Variants in CEP290 observed in about 807,000 individuals in gnomAD.
CEP290 encodes centrosomal protein 290, also known as centrosomal protein of 290 kDa.
A neutral mutation model predicts 344.9 loss-of-function variants in CEP290; 317 were observed. The ratio of observed to expected loss-of-function variants is 0.92; its 90% CI spans 0.84 to 1.01. The LOEUF is 1.01. CEP290 is among the 50% of genes least tolerant of loss of function. The probability of loss-of-function intolerance (pLI) is 0.00; values close to 1 mark genes in which losing one functional copy is unlikely to be tolerated. For missense variants in CEP290, 2,754 were observed against 2,761.4 expected, an observed-to-expected ratio of 1.00 and a Z score of 0.06; for synonymous variants, 932 against 895.8, an observed-to-expected ratio of 1.04 and a Z score of -0.72.
At chr12:88,068,489 AAAAG>A (rs2035110447) in intron 44 of CEP290, 29 bp downstream of exon 44, 1 of 1,350,308 alleles carries the variant, frequency 7.4e-7, no homozygotes, top group Non-Finnish European at 9.7e-7. Context: ...TAACATGGAA[AAAAG>A]AAAAAAATAA....
chr12:88,130,026 C>A (rs1246258251), intron 9 of CEP290, 150 bp from the exon 10 acceptor site: 3 of 646,490 alleles, frequency 4.6e-6, no homozygotes, highest in Non-Finnish European at 7.3e-6. Context: ...CCAATTAAAT[C>A]AAATTGAATC....
intron 15 of CEP290, 30 bp downstream of exon 15, chr12:88,120,084 G>A (rs373092556): frequency 4.0e-5 from 54 of 1,365,396 alleles, no homozygotes; most frequent in Admixed American, 2.2e-4. Context: ...ATCAGGTTGC[G>A]CAAACTATGT....
intron 35 of CEP290, among the ~76,000 whole-genome samples, chr12:88,084,350 A>G (rs574605879): frequency 6.6e-6 from 1 of 152,262 alleles, no homozygotes; most frequent in East Asian, 1.9e-4. Flanking sequence ...TTTCAAAATC[A>G]TATGATTTCA....
intron 47 of CEP290, 94 bp downstream of exon 47, chr12:88,060,736 C>T (rs2034413845): frequency 2.2e-6 from 2 of 902,572 alleles, no homozygotes; most frequent in East Asian, 2.8e-5. Context: ...TCATTAAAGC[C>T]ATTTTATATA....
chr12:88,070,639 T>G (rs1265118072), intron 43 of CEP290, among the ~76,000 whole-genome samples: 1 of 152,070 alleles, frequency 6.6e-6, no homozygotes, highest in Non-Finnish European at 1.5e-5. Context: ...AAAAGTCGTT[T>G]TTTTCTTCCT....
rs140236736 is a variant in CEP290 at position 88,136,741 on chromosome 12, T to C, written c.343A>G (p.Asn115Asp). The C allele has an allele frequency of 2.9e-4, 469 of 1,613,782 alleles. 3 individuals carry two copies. In the East Asian group the frequency reaches 9.5e-3, roughly 33 times the overall value. ...AGGRDTRFLR[N>D]EICQLEKQLE... ...TGTTTTTCAAGTTGGCAAATTTCAT[T>C]ACGTAAAAACCGAGTATCTCGTCCA... Residue 115 changes from asparagine (N) to aspartate (D), a missense_variant, in exon 6 of 54, where the codon AAT becomes GAT. By Grantham distance (23) the Asn-to-Asp change is conservative. Coordinates refer to ENST00000552810, the MANE Select transcript of CEP290 (RefSeq NM_025114.4).
intron 46 of CEP290, among the ~76,000 whole-genome samples, chr12:88,062,357 TATC>T (rs1292396921): frequency 6.6e-6 from 1 of 152,138 alleles, no homozygotes; most frequent in Admixed American, 6.5e-5. Context: ...GCTGGGAAGA[TATC>T]ATAACAAATG....
rs1317615827 is a variant in CEP290 at position 88,126,414 on chromosome 12, C to T, written c.967G>A (p.Glu323Lys). The stretch of plus-strand genomic sequence containing the variant: ...AACATTTGCTGATACTCAATAATTT[C>T]ATCATCTTTAGAAGACAAAATTAGC... Reference protein sequence around the residue: ...WKLILSSKDDEIIEYQQMLHN... With the variant: ...WKLILSSKDDKIIEYQQMLHN... Residue 323 changes from glutamate to lysine, a missense_variant, in exon 12 of 54, where the codon GAA (glutamate) becomes AAA (lysine). Coordinates refer to ENST00000552810, the MANE Select transcript of CEP290 (RefSeq NM_025114.4). The T allele has an allele frequency of 1.3e-6, 2 of 1,511,666 alleles. No individual in the cohort carries two copies. The highest frequency in any genetic ancestry group is 1.8e-6 in the Non-Finnish European group (2 of 1,135,000). The allele number at this position is 1,511,666 out of a possible 1,614,324, so 93.6% of individuals were successfully genotyped here.
rs375865971 is a variant in CEP290 at position 88,120,306 on chromosome 12, T to C, written c.1360-30A>G. On this transcript the variant is annotated intron_variant, in intron 14 of 53. Transcript: ENST00000552810. ...AAAATATCCAATTTAATTTAAAATA[T>C]AACATGGTTTACTTGAATAAATTTA... 2.6e-5 allele frequency: 29 copies of C among 1,106,268 alleles called. No individual in the cohort carries two copies. The African/African-American group carries it at 4.8e-4, about 18-fold the overall frequency. The allele number at this position is 1,106,268 out of a possible 1,614,324, so 68.5% of individuals were successfully genotyped here. A position where few individuals can be genotyped will look rare whatever the true frequency, so the allele number is the denominator to read the frequency against.
intron 25 of CEP290, chr12:88,103,225 ATACTT>A (rs1449281000): frequency 1.3e-5 from 4 of 310,834 alleles, no homozygotes; most frequent in South Asian, 1.1e-4. Context: ...TAAAAATAAA[ATACTT>A]TAATAACTCC....
At position 88,089,520 on chromosome 12, in the gene CEP290, G is replaced by T; in HGVS notation, c.3574-33C>A. 4.4e-6 allele frequency: 6 copies of T among 1,350,462 alleles called. No individual in the cohort carries two copies. The South Asian group carries it at 6.0e-5, about 13-fold the overall frequency. 83.7% of individuals were successfully genotyped at this position (1,350,462 alleles called of 1,614,324 possible). On this transcript the variant is annotated intron_variant, in intron 30 of 53. Coordinates refer to ENST00000552810, the MANE Select transcript of CEP290 (RefSeq NM_025114.4). Reference sequence around the variant, plus strand: ...TAAAAAAAATATATATTTGTAGTAAGTTTCAAATTTTTCCAGTGAAAGTTA... The same window carrying T: ...TAAAAAAAATATATATTTGTAGTAATTTTCAAATTTTTCCAGTGAAAGTTA...
At position 88,050,410 on chromosome 12, in the gene CEP290, T is replaced by C. The variant is rs191581359; in HGVS notation, c.7153A>G (p.Ile2385Val). Reference sequence around the variant, plus strand: ...TTGAGCTGTGTCTCTAGATCTTTTATTTTTTCCTTTAGTTGATCAGCATCT... The same window carrying C: ...TTGAGCTGTGTCTCTAGATCTTTTACTTTTTCCTTTAGTTGATCAGCATCT... ...IPDADQLKEK[I>V]KDLETQLKMS... is the part of the protein sequence containing the mutation. The change falls in exon 53 of 54, where the codon ATA becomes GTA. Residue 2385 changes from isoleucine (I) to valine (V), a missense_variant. Transcript: ENST00000552810. 6.4e-6 allele frequency: 10 copies of C among 1,561,324 alleles called. No homozygotes were observed. The East Asian group carries it at 2.1e-4, about 32-fold the overall frequency.
At chr12:88,064,179 C>T (rs900588838) in intron 44 of CEP290, 64 bp from the exon 45 acceptor site, 1 of 1,357,382 alleles carries the variant, frequency 7.4e-7, no homozygotes, top group Non-Finnish European at 9.9e-7. Context: ...AAAAGACATA[C>T]TGGATAAGAA....
At chr12:88,119,446 G>A (rs1001234351) in intron 15 of CEP290, among the ~76,000 whole-genome samples, 22 of 151,826 alleles carry the variant, frequency 1.4e-4, no homozygotes, top group African/African-American at 2.2e-4. Context: ...TAAAATACTC[G>A]AACAAAGTAA....
At chr12:88,134,866 G>A (rs1418764286) in intron 6 of CEP290, among the ~76,000 whole-genome samples, 1 of 152,102 alleles carries the variant, frequency 6.6e-6, no homozygotes, top group Non-Finnish European at 1.5e-5. Context: ...CTAGGTCTTA[G>A]CAAATGCTAT....
chr12:88,071,729 G>GATTTATGTGTAAAA, intron 42 of CEP290, 52 bp downstream of exon 42: 1 of 1,364,010 alleles, frequency 7.3e-7, no homozygotes. Context: ...TAATTTCCAG[G>GATTTATGTGTAAAA]TCACTAAAGG....
At chr12:88,058,732 C>G in intron 49 of CEP290, 116 bp downstream of exon 49, 1 of 993,908 alleles carries the variant, frequency 1.0e-6, no homozygotes, top group East Asian at 2.6e-5. Flanking sequence ...AAAACAACAA[C>G]CAAACAAACT....
At position 88,130,402 on chromosome 12, in the gene CEP290, C is replaced by G. The variant is rs2039993098; in HGVS notation, c.535G>C (p.Asp179His). ...LKKKNEQLCQ[D>H]IIDYQKQIDS... ...ATTTGTTTCTGGTAGTCAATAATAT[C>G]CTGACAAAGTTGTTCATTCTGAAGG... Residue 179 changes from aspartate (D) to histidine (H), a missense_variant, in exon 9 of 54, where the codon GAT (aspartate) becomes CAT (histidine). Coordinates refer to ENST00000552810, the MANE Select transcript of CEP290 (RefSeq NM_025114.4). 6.2e-7 allele frequency: 1 copy of G among 1,606,108 alleles called. No individual in the cohort carries two copies. The highest frequency in any genetic ancestry group is 8.5e-7 in the Non-Finnish European group (1 of 1,177,684).
rs774139392 is a variant in CEP290 at position 88,092,838 on chromosome 12, G to A, written c.3310-6C>T. On this transcript the variant is annotated splice_polypyrimidine_tract_variant and splice_region_variant and intron_variant, in intron 28 of 53. Transcript: ENST00000552810. ...TCCAAATTGATTTTGGTAAGCTAAGGAAATGTAACAAAAAATGTTCAGATA... is the reference window on the plus strand; with the variant it reads ...TCCAAATTGATTTTGGTAAGCTAAGAAAATGTAACAAAAAATGTTCAGATA... 6.2e-7 allele frequency: 1 copy of A among 1,606,652 alleles called. No individual in the cohort carries two copies.
Sources: allele counts gnomAD v4.1 joint callset (sites outside exome capture counted in the v4.1 genomes callset), GRCh38; gene constraint gnomAD v4.1.1; transcripts MANE v1.5; gene names NCBI Gene and HGNC (gene_info 2026-07-23, HGNC 2026-07-21).